Variants in NRXN3 observed in about 807,000 individuals in gnomAD.
NRXN3 encodes neurexin III.
A neutral mutation model predicts 137.6 loss-of-function variants in NRXN3; 32 were observed. That is an observed-to-expected ratio of 0.23 (90% confidence interval 0.18 to 0.31). NRXN3 has a LOEUF of 0.31. NRXN3 is among the 10% of genes least tolerant of loss of function. The probability of loss-of-function intolerance (pLI) is 1.00; values close to 1 mark genes in which losing one functional copy is unlikely to be tolerated. For synonymous variants in NRXN3, 798 were observed against 784.5 expected (o/e 1.02, Z -0.29); for missense variants, 1,574 against 2,062.5 (o/e 0.76, Z 4.59).
At chr14:78,713,326 T>C (rs1567125746) in intron 7 of NRXN3, among the ~76,000 whole-genome samples, 1 of 152,270 alleles carries the variant, frequency 6.6e-6, no homozygotes, top group African/African-American at 2.4e-5. Flanking sequence ...TAGCCACACA[T>C]CTGCCTACCT....
intron 19 of NRXN3, among the ~76,000 whole-genome samples, chr14:79,766,679 A>G (rs1023929497): frequency 3.3e-5 from 5 of 152,182 alleles, no homozygotes; most frequent in African/African-American, 1.2e-4. Context: ...TGTCTAAAAC[A>G]TTTATGTTAG....
chr14:79,286,986 T>G (rs575777552), intron 15 of NRXN3, among the ~76,000 whole-genome samples: 1 of 152,218 alleles, frequency 6.6e-6, no homozygotes, highest in Non-Finnish European at 1.5e-5. Flanking sequence ...GTGTACAGGT[T>G]AAATATTTTA....
intron 15 of NRXN3, among the ~76,000 whole-genome samples, chr14:79,107,091 G>A (rs531021161): frequency 3.3e-5 from 5 of 152,258 alleles, no homozygotes; most frequent in African/African-American, 1.2e-4. Flanking sequence ...TAAATGACAA[G>A]CTCTATGTAT....
chr14:78,917,355 G>A (rs957730), intron 10 of NRXN3, among the ~76,000 whole-genome samples: 2,387 of 152,238 alleles, frequency 0.016, 71 homozygotes, highest in African/African-American at 0.055. Context: ...ATAACTATTG[G>A]ATACTAGGGT....
chr14:79,591,242 C>T (rs2097800918), intron 16 of NRXN3, among the ~76,000 whole-genome samples: 1 of 152,104 alleles, frequency 6.6e-6, no homozygotes, highest in Admixed American at 6.5e-5. Flanking sequence ...CAAAATATGA[C>T]ATTTAAAGGA....
In NRXN3 at chr14:78,594,824, A is replaced by T. The variant is rs368234626; in HGVS notation, c.758-50296A>T. The stretch of plus-strand genomic sequence containing the variant: ...TGAGGAATAGCAGCTACCAGGAATC[A>T]CAGTTGGTTCCCCATGAACATTTCA... On this transcript the variant is annotated intron_variant, in intron 4 of 20. Transcript: ENST00000335750. Among the ~76,000 whole-genome samples, 13 of 152,362 alleles carry T rather than the reference A, an allele frequency of 8.5e-5. No individual in the cohort carries two copies. The South Asian group carries it at 2.7e-3, about 32-fold the overall frequency.
At position 79,410,848 on chromosome 14, in the gene NRXN3, G is replaced by A. The variant is rs148067668; in HGVS notation, c.3263-56373G>A. Among the ~76,000 whole-genome samples the A allele has an allele frequency of 1.3e-3, 191 of 152,006 alleles. 1 individual carries two copies. Among genetic ancestry groups the A allele is most frequent in the African/African-American group, 4.3e-3 (179 of 41,496 alleles). On this transcript the variant is annotated intron_variant, in intron 15 of 20. Coordinates refer to ENST00000335750, the MANE Select transcript of NRXN3 (RefSeq NM_001330195.2). ...GATACAATCTTATGTTTTGAAGCTCGCCACAAAATTTGATCACCACTAGAG... is the reference window on the plus strand; with the variant it reads ...GATACAATCTTATGTTTTGAAGCTCACCACAAAATTTGATCACCACTAGAG...
intron 19 of NRXN3, among the ~76,000 whole-genome samples, chr14:79,776,339 A>C (rs2099097029): frequency 6.6e-6 from 1 of 152,182 alleles, no homozygotes; most frequent in African/African-American, 2.4e-5. Context: ...GCTCTCAATA[A>C]ATATTGACCA....
intron 15 of NRXN3, among the ~76,000 whole-genome samples, chr14:79,369,733 C>T (rs989116116): frequency 6.6e-6 from 1 of 152,128 alleles, no homozygotes; most frequent in Admixed American, 6.5e-5. Context: ...ACTTGATAGT[C>T]TCTGCGCTAG....
chr14:78,509,223 C>T (rs999056735), intron 4 of NRXN3, among the ~76,000 whole-genome samples: 49 of 152,046 alleles, frequency 3.2e-4, no homozygotes, highest in African/African-American at 7.7e-4. Context: ...TGCTTGAACC[C>T]GGGAGGCAGA....
intron 15 of NRXN3, among the ~76,000 whole-genome samples, chr14:79,235,079 G>T (rs1422792890): frequency 2.0e-5 from 3 of 152,048 alleles, no homozygotes; most frequent in Non-Finnish European, 2.9e-5. Flanking sequence ...GAAATTGAAT[G>T]AATTCCCCCT....
rs1018525787 is a variant in NRXN3, at chr14:79,579,360, AT to A, written c.3445-84417del. ...ATATATATATATTTCATATATATAT[AT>A]ATATATAATATATATATAATTTCAG... On this transcript the variant is annotated intron_variant, in intron 16 of 20. Coordinates refer to ENST00000335750, the MANE Select transcript of NRXN3 (RefSeq NM_001330195.2). Among the ~76,000 whole-genome samples, 4 of 146,788 alleles carry A rather than the reference AT, an allele frequency of 2.7e-5. No homozygotes were observed. In the Admixed American group the frequency reaches 2.7e-4, roughly 10 times the overall value.
intron 15 of NRXN3, among the ~76,000 whole-genome samples, chr14:79,310,034 T>C (rs1428248275): frequency 2.3e-5 from 3 of 131,650 alleles, no homozygotes; most frequent in Non-Finnish European, 1.5e-5. Context: ...TGGTAATGCC[T>C]AGGTTTTCTT....
intron 20 of NRXN3, among the ~76,000 whole-genome samples, chr14:79,841,773 C>T (rs545067979): frequency 8.9e-4 from 136 of 152,298 alleles, no homozygotes; most frequent in African/African-American, 3.2e-3. Context: ...GTGCATATTC[C>T]AATACCTGTT....
At chr14:78,312,169 G>C (rs2078051754) in intron 4 of NRXN3, among the ~76,000 whole-genome samples, 1 of 152,168 alleles carries the variant, frequency 6.6e-6, no homozygotes, top group Non-Finnish European at 1.5e-5. Context: ...GATTCTGGAA[G>C]TTTCAGTGTG....
intron 4 of NRXN3, among the ~76,000 whole-genome samples, chr14:78,513,697 A>T (rs536531495): frequency 2.0e-5 from 3 of 152,294 alleles, no homozygotes; most frequent in African/African-American, 7.2e-5. Context: ...TTGGATTGAA[A>T]TATTTTATGG....
chr14:79,188,545 C>G (rs779463308), intron 15 of NRXN3, among the ~76,000 whole-genome samples: 5 of 152,128 alleles, frequency 3.3e-5, no homozygotes, highest in Non-Finnish European at 7.3e-5. Context: ...TTCCCTAAAA[C>G]AAAGCCAACA....
intron 4 of NRXN3, among the ~76,000 whole-genome samples, chr14:78,300,856 C>T (rs2076802327): frequency 6.6e-6 from 1 of 152,218 alleles, no homozygotes; most frequent in African/African-American, 2.4e-5. Flanking sequence ...GCTATCATTT[C>T]CCTTCAGTGC....
At chr14:79,848,407 C>T (rs755105894) in intron 20 of NRXN3, among the ~76,000 whole-genome samples, 27 of 152,094 alleles carry the variant, frequency 1.8e-4, no homozygotes, top group Non-Finnish European at 3.7e-4. Flanking sequence ...GAGTGTGGCC[C>T]AACACAAATT....
Sources: gnomAD v4.1 joint callset for allele counts (sites outside exome capture counted in the v4.1 genomes callset) on GRCh38, gnomAD v4.1.1 for gene constraint, MANE v1.5 for transcripts, NCBI Gene and HGNC (gene_info 2026-07-23, HGNC 2026-07-21) for gene names.